The following CCDC144A variants were observed in gnomAD, a reference collection of about 807,000 sequenced individuals.
CCDC144A encodes coiled-coil domain containing 144A, also known as coiled-coil domain-containing protein 144A.
Under a neutral mutation model 143.8 loss-of-function variants are expected in CCDC144A, and 41 were observed. That is an observed-to-expected ratio of 0.29 (90% CI 0.22 to 0.37). CCDC144A has a LOEUF of 0.37. Ranked by LOEUF, CCDC144A falls within the 10% of genes least tolerant of loss-of-function variation. The pLI is 1.00. For missense variants in CCDC144A, 637 were observed against 1,488.8 expected (o/e 0.43, Z 9.41); for synonymous variants, 242 against 517.9 (o/e 0.47, Z 7.23).
Position 16,709,277 on chromosome 17 carries a change from A to G in CCDC144A, c.1220A>G (p.Asn407Ser). 2.5e-6 allele frequency: 4 copies of G among 1,611,762 alleles called. No individual in the cohort carries two copies. Among genetic ancestry groups the G allele is most frequent in the Non-Finnish European group, 3.4e-6 (4 of 1,179,664 alleles). Residue 407 changes from asparagine (N) to serine (S), a missense_variant, in exon 5 of 17, where the codon AAC (asparagine) becomes AGC (serine). Transcript: ENST00000399273. ...HENKLDCDND[N>S]KPGIGHIFST... ...AATAAATTAGACTGCGACAATGATA[A>G]CAAACCAGGCATTGGACATATTTTT...
Position 16,690,330 on chromosome 17 carries a change from C to G in CCDC144A, c.-71C>G. The G allele has an allele frequency of 2.4e-6, 3 of 1,249,342 alleles. 1 individual carries two copies. In the South Asian group the frequency reaches 4.9e-5, roughly 20 times the overall value. The allele number at this position is 1,249,342 out of a possible 1,614,324, so 77.4% of individuals were successfully genotyped here. On this transcript the variant is annotated 5_prime_UTR_variant, in exon 1 of 17. Coordinates refer to ENST00000399273, the MANE Select transcript of CCDC144A (RefSeq NM_001382000.1). ...GCTTGGCATTTCTGGCTTGGCGGTC[C>G]TCCTTTCGCAGATTGGAAACCGCGG... is the stretch of plus-strand genomic sequence containing the variant.
chr17:16,736,866 T>TA (rs1291123385), intron 12 of CCDC144A, among the ~76,000 whole-genome samples: 2 of 151,898 alleles, frequency 1.3e-5, no homozygotes, highest in Non-Finnish European at 2.9e-5. Context: ...GAGCTTCTAA[T>TA]AAAAAACAGG....
At chr17:16,721,373 A>T (rs1003470730) in intron 8 of CCDC144A, among the ~76,000 whole-genome samples, 1 of 151,480 alleles carries the variant, frequency 6.6e-6, no homozygotes, top group African/African-American at 2.4e-5. Context: ...ATTTGTATTG[A>T]TTTTGCATTC....
intron 2 of CCDC144A, among the ~76,000 whole-genome samples, chr17:16,695,689 T>C (rs1160443825): frequency 1.3e-5 from 2 of 151,186 alleles, no homozygotes; most frequent in Non-Finnish European, 3.0e-5. Context: ...ATTCAGTGCC[T>C]ACTACTGTGT....
rs1555533275 is a variant in CCDC144A at position 16,729,867 on chromosome 17, A to AAT, written c.2106-1918_2106-1917dup. On this transcript the variant is annotated intron_variant, in intron 9 of 16. Transcript: ENST00000399273. ...GCGAGACTCTGTCTCAAAAAAAAAA[A>AAT]ATATATATATATATATGAATTGTAT... Among the ~76,000 whole-genome samples, 82 of 141,246 alleles carry AAT rather than the reference A, an allele frequency of 5.8e-4. 2 individuals are homozygous for AAT. The highest frequency in any genetic ancestry group is 1.5e-3 in the South Asian group (6 of 4,100). The allele number at this position is 141,246 out of a possible 152,430, so 92.7% of individuals were successfully genotyped here. A position where few individuals can be genotyped will look rare whatever the true frequency, so the allele number is the denominator to read the frequency against.
At chr17:16,742,838 A>G (rs2143281342) in intron 12 of CCDC144A, among the ~76,000 whole-genome samples, 1 of 152,132 alleles carries the variant, frequency 6.6e-6, no homozygotes, top group East Asian at 1.9e-4. Flanking sequence ...TTTTCCATAC[A>G]TTTGTGGACA....
the CCDC144A span, among the ~76,000 whole-genome samples, chr17:16,676,245 C>T: frequency 1.3e-5 from 2 of 152,020 alleles, no homozygotes; most frequent in African/African-American, 4.8e-5. Flanking sequence ...GGTGCGGTGG[C>T]TCATGTCTGT....
chr17:16,686,166 G>T (rs1236989810), upstream of CCDC144A, among the ~76,000 whole-genome samples: 4 of 145,672 alleles, frequency 2.7e-5, no homozygotes, highest in Non-Finnish European at 6.0e-5. Context: ...CGCGATTTCA[G>T]CTCACTCAGG....
intron 12 of CCDC144A, chr17:16,746,404 A>G: frequency 6.6e-7 from 1 of 1,517,180 alleles, no homozygotes; most frequent in Non-Finnish European, 9.1e-7. Flanking sequence ...TTCTATTTTT[A>G]ATATATTCCA....
In CCDC144A at chr17:16,720,251, G is replaced by T. The variant is rs746803630; in HGVS notation, c.1749+20G>T. ...AACGAGGTATTGTAAAAAAGGAAAT[G>T]ATCTAAAATATTGTTTTTAAAAAAC... is the stretch of plus-strand genomic sequence containing the variant. On this transcript the variant is annotated intron_variant, in intron 7 of 16. Transcript: ENST00000399273. The T allele has an allele frequency of 7.3e-6, 11 of 1,515,360 alleles. No individual in the cohort carries two copies. In the South Asian group the frequency reaches 1.0e-4, roughly 14 times the overall value. 93.9% of individuals were successfully genotyped at this position (1,515,360 alleles called of 1,614,324 possible).
intron 15 of CCDC144A, chr17:16,766,282 G>A (rs1215477828): frequency 3.3e-5 from 5 of 152,232 alleles, no homozygotes; most frequent in African/African-American, 1.2e-4. Context: ...TGAGCAGAGA[G>A]GTAACTTTGA....
chr17:16,746,731 G>A, intron 12 of CCDC144A: 1 of 1,611,482 alleles, frequency 6.2e-7, no homozygotes, highest in Non-Finnish European at 8.5e-7. Flanking sequence ...GCTCCTTGGT[G>A]AGGCCCGGAG....
intron 15 of CCDC144A, among the ~76,000 whole-genome samples, chr17:16,769,582 C>A (rs1313052061): frequency 2.0e-5 from 3 of 152,134 alleles, no homozygotes; most frequent in Non-Finnish European, 4.4e-5. Flanking sequence ...TTTTAAGGAA[C>A]AGTTTTCTTA....
In CCDC144A at chr17:16,705,530, A is replaced by T. The variant is rs183640618; in HGVS notation, c.664+131A>T. The stretch of plus-strand genomic sequence containing the variant: ...TTTACTCACCTTTTGCACTGAACAG[A>T]ATACTTTTTGGCAGGATATTTGTGT... On this transcript the variant is annotated intron_variant, in intron 3 of 16. Transcript: ENST00000399273. 2.4e-4 allele frequency: 205 copies of T among 851,594 alleles called. No homozygotes were observed. The African/African-American group carries it at 3.0e-3, about 13-fold the overall frequency. The allele number at this position is 851,594 out of a possible 1,614,324, so 52.8% of individuals were successfully genotyped here. A position where few individuals can be genotyped will look rare whatever the true frequency, so the allele number is the denominator to read the frequency against.
the CCDC144A span, among the ~76,000 whole-genome samples, chr17:16,670,648 C>T: frequency 6.6e-6 from 1 of 151,918 alleles, no homozygotes; most frequent in Admixed American, 6.6e-5. Flanking sequence ...GCTGGGACTA[C>T]AGGTGGGTGC....
intron 5 of CCDC144A, chr17:16,709,969 T>C (rs1463652007): frequency 7.4e-6 from 2 of 271,820 alleles, no homozygotes; most frequent in African/African-American, 4.6e-5. Flanking sequence ...TTTTTCCTTT[T>C]ACCGACTTAA....
At chr17:16,750,473 A>G (rs998043984) in intron 12 of CCDC144A, among the ~76,000 whole-genome samples, 5 of 148,442 alleles carry the variant, frequency 3.4e-5, no homozygotes, top group Non-Finnish European at 5.9e-5. Context: ...TGCAGCTGTT[A>G]TAGCTGCCTG....
At chr17:16,737,142 T>G (rs1362081692) in intron 12 of CCDC144A, among the ~76,000 whole-genome samples, 2 of 150,838 alleles carry the variant, frequency 1.3e-5, no homozygotes, top group African/African-American at 4.9e-5. Context: ...TTTTTCAAAG[T>G]ATATGAGTTA....
In CCDC144A at chr17:16,764,124, T is replaced by G; in HGVS notation, c.4047T>G (p.Ile1349Met). 6.2e-7 allele frequency: 1 copy of G among 1,611,964 alleles called. No homozygotes were observed. The highest frequency in any genetic ancestry group is 1.3e-5 in the African/African-American group (1 of 74,990). ...GTGAAGGTCTCAACAGAAAACATAT[T>G]CCAAGAAAAAAGAGGTCTGCTCTTA... Reference protein sequence around the residue: ...NDSEGLNRKHIPRKKRSALKD... With the variant: ...NDSEGLNRKHMPRKKRSALKD... The change falls in exon 15 of 17, where the codon ATT becomes ATG. Residue 1349 changes from isoleucine (I) to methionine (M), a missense_variant. Coordinates refer to ENST00000399273, the MANE Select transcript of CCDC144A (RefSeq NM_001382000.1).
Sources: gnomAD v4.1 joint callset for allele counts (sites outside exome capture counted in the v4.1 genomes callset) on GRCh38, gnomAD v4.1.1 for gene constraint, MANE v1.5 for transcripts, NCBI Gene and HGNC (gene_info 2026-07-23, HGNC 2026-07-21) for gene names.